The following GAS7 variants were observed in gnomAD, a reference collection of about 807,000 sequenced individuals.
The protein encoded by GAS7 is growth arrest-specific protein 7.
Under a neutral mutation model 71.1 loss-of-function variants are expected in GAS7, and 28 were observed. The observed-to-expected ratio is 0.39, with a 90% CI of 0.29 to 0.54. The LOEUF is 0.54. Among genes scored for constraint, GAS7 ranks in the 20% least tolerant of loss-of-function variants. The pLI, the probability that GAS7 is intolerant of heterozygous loss-of-function variation, is 0.62. For missense variants in GAS7, 436 were observed against 627.8 expected (o/e 0.69, Z 3.27); for synonymous variants, 258 against 245.8 (o/e 1.05, Z -0.46).
chr17:9,966,528 C>T (rs2069722333), intron 4 of GAS7, among the ~76,000 whole-genome samples: 1 of 152,158 alleles, frequency 6.6e-6, no homozygotes, highest in African/African-American at 2.4e-5. Context: ...TGAGTGATAA[C>T]TGACAGCAGG....
intron 1 of GAS7, among the ~76,000 whole-genome samples, chr17:10,040,205 T>C (rs1432878741): frequency 1.3e-5 from 2 of 152,170 alleles, no homozygotes; most frequent in Non-Finnish European, 1.5e-5. Context: ...TTGGGCAGGA[T>C]GGGTCAGAAG....
chr17:10,074,150 C>T (rs16959281), intron 1 of GAS7, among the ~76,000 whole-genome samples: 18,150 of 152,176 alleles, frequency 0.12, 1,420 homozygotes, highest in Admixed American at 0.23. Flanking sequence ...AAGGAGTGGG[C>T]GTCCAGAAAG....
rs535989215 is a variant in GAS7 at position 10,042,574 on chromosome 17, G to A, written c.184-22677C>T. On this transcript the variant is annotated intron_variant, in intron 1 of 13. Transcript: ENST00000432992. Reference sequence around the variant, plus strand: ...AGGACCTGACTCCTAAAATTCGGAAGCTAAGTCGCAAACATGGGCAAAAAA... The same window carrying A: ...AGGACCTGACTCCTAAAATTCGGAAACTAAGTCGCAAACATGGGCAAAAAA... Among the ~76,000 whole-genome samples, 3 of 152,264 alleles carry A rather than the reference G, an allele frequency of 2.0e-5. No individual in the cohort carries two copies. In the East Asian group the frequency reaches 5.8e-4, roughly 29 times the overall value.
intron 1 of GAS7, among the ~76,000 whole-genome samples, chr17:10,108,046 G>A (rs1034660807): frequency 1.3e-5 from 2 of 151,552 alleles, no homozygotes; most frequent in African/African-American, 4.9e-5. Flanking sequence ...GCTTGGCAGG[G>A]GAACCACCTT....
chr17:10,090,277 C>T (rs2073568174), intron 1 of GAS7, among the ~76,000 whole-genome samples: 1 of 152,048 alleles, frequency 6.6e-6, no homozygotes, highest in Non-Finnish European at 1.5e-5. Context: ...TAACGATGGA[C>T]ATTTTATTCC....
At chr17:10,043,725 G>A (rs2072906066) in intron 1 of GAS7, among the ~76,000 whole-genome samples, 1 of 152,068 alleles carries the variant, frequency 6.6e-6, no homozygotes. Context: ...GACCAGCCTG[G>A]GCAGTCTGGT....
chr17:10,046,792 G>A (rs1450923350), intron 1 of GAS7, among the ~76,000 whole-genome samples: 2 of 63,584 alleles, frequency 3.1e-5, no homozygotes, highest in Admixed American at 1.5e-4. Context: ...AAGAAAGGAA[G>A]GAAGGAAGGA....
intron 5 of GAS7, among the ~76,000 whole-genome samples, chr17:9,948,513 T>C (rs1279143600): frequency 6.6e-6 from 1 of 152,150 alleles, no homozygotes; most frequent in Non-Finnish European, 1.5e-5. Context: ...TGAAACCCCT[T>C]CTCTACTAAA....
rs1276795595 is a variant in GAS7, at chr17:10,198,440, A to G, written c.-50T>C. ...GCAGCCTGCATTCCCGCCGAGCCCCACGGGCTGGGCAGCGGCTCCGCGGGG... is the reference window on the plus strand; with the variant it reads ...GCAGCCTGCATTCCCGCCGAGCCCCGCGGGCTGGGCAGCGGCTCCGCGGGG... On this transcript the variant is annotated 5_prime_UTR_variant, in exon 1 of 14. Transcript: ENST00000432992. The G allele has an allele frequency of 1.5e-6, 2 of 1,371,900 alleles. No individual in the cohort carries two copies. Among genetic ancestry groups the G allele is most frequent in the Admixed American group, 5.5e-5 (2 of 36,412 alleles). The allele number at this position is 1,371,900 out of a possible 1,614,324, so 85.0% of individuals were successfully genotyped here. A position where few individuals can be genotyped will look rare whatever the true frequency, so the allele number is the denominator to read the frequency against.
chr17:9,935,287 C>T (rs1340975732), intron 8 of GAS7, among the ~76,000 whole-genome samples: 1 of 152,198 alleles, frequency 6.6e-6, no homozygotes, highest in African/African-American at 2.4e-5. Flanking sequence ...GTCCTCTTAG[C>T]AGCATCACTT....
At chr17:10,176,665 C>T (rs755464055) in intron 1 of GAS7, among the ~76,000 whole-genome samples, 2 of 152,322 alleles carry the variant, frequency 1.3e-5, no homozygotes, top group Non-Finnish European at 2.9e-5. Context: ...GCTGTCCCTG[C>T]AGCAGCCCTA....
chr17:10,051,783 C>T (rs775372047), intron 1 of GAS7, among the ~76,000 whole-genome samples: 4 of 152,140 alleles, frequency 2.6e-5, no homozygotes, highest in African/African-American at 7.2e-5. Context: ...AAATTTCGTA[C>T]CCCAGATCGA....
At chr17:9,932,315 C>T (rs2068239098) in intron 9 of GAS7, among the ~76,000 whole-genome samples, 1 of 151,974 alleles carries the variant, frequency 6.6e-6, no homozygotes, top group Non-Finnish European at 1.5e-5. Flanking sequence ...CTGCTTCAGC[C>T]TCCCGAGTAG....
At chr17:9,952,065 A>T (rs2069041241) in intron 5 of GAS7, among the ~76,000 whole-genome samples, 1 of 152,116 alleles carries the variant, frequency 6.6e-6, no homozygotes, top group Non-Finnish European at 1.5e-5. Context: ...GAGGACTGAG[A>T]CCCACCTAAG....
At chr17:10,111,438 C>T (rs892710654) in intron 1 of GAS7, among the ~76,000 whole-genome samples, 12 of 152,062 alleles carry the variant, frequency 7.9e-5, no homozygotes, top group Admixed American at 2.0e-4. Context: ...GAGGCTGAGG[C>T]AGGAGAATGG....
chr17:10,152,332 T>C (rs1462829764), intron 1 of GAS7, among the ~76,000 whole-genome samples: 3 of 152,170 alleles, frequency 2.0e-5, no homozygotes, highest in Non-Finnish European at 4.4e-5. Context: ...CCCAAGAGAA[T>C]CTTATTGAGG....
In GAS7 at chr17:10,088,392, C is replaced by A. The variant is rs185312084; in HGVS notation, c.184-68495G>T. Among the ~76,000 whole-genome samples, 194 of 152,172 alleles carry A rather than the reference C, an allele frequency of 1.3e-3. 1 individual carries two copies. Among genetic ancestry groups the A allele is most frequent in the African/African-American group, 4.4e-3 (183 of 41,522 alleles). ...ACCCCAGGCAGCTGGCTGCCAACAA[C>A]CATCATTTTTGGCTCTAACACTCCA... On this transcript the variant is annotated intron_variant, in intron 1 of 13. Coordinates refer to ENST00000432992, the MANE Select transcript of GAS7 (RefSeq NM_201433.2).
At chr17:10,180,520 A>G (rs1597838927) in intron 1 of GAS7, among the ~76,000 whole-genome samples, 1 of 152,110 alleles carries the variant, frequency 6.6e-6, no homozygotes, top group East Asian at 1.9e-4. Flanking sequence ...GAGTCACCCA[A>G]TAATCAAATC....
chr17:10,062,302 T>C (rs745651766), intron 1 of GAS7, among the ~76,000 whole-genome samples: 3 of 152,210 alleles, frequency 2.0e-5, no homozygotes, highest in Non-Finnish European at 4.4e-5. Context: ...CTGGCCAACG[T>C]GGCGAAACCT....
Sources: allele counts gnomAD v4.1 joint callset (sites outside exome capture counted in the v4.1 genomes callset), GRCh38; gene constraint gnomAD v4.1.1; transcripts MANE v1.5; gene names NCBI Gene and HGNC (gene_info 2026-07-23, HGNC 2026-07-21).